FBXO5: variants seen among roughly 807,000 people sequenced by gnomAD.
The protein encoded by FBXO5 is F-box protein 5, also known as F-box only protein 5.
FBXO5 carries 8 observed loss-of-function variants against 43.3 expected under a neutral mutation model. The ratio of observed to expected loss-of-function variants is 0.18; its 90% CI spans 0.11 to 0.33. The LOEUF is 0.33. Ranked by LOEUF, FBXO5 falls within the 10% of genes least tolerant of loss-of-function variation. FBXO5 has a pLI of 1.00. For missense variants in FBXO5, 491 were observed against 535.7 expected (o/e 0.92, Z 0.82); for synonymous variants, 204 against 193.7 (o/e 1.05, Z -0.44).
At position 152,972,265 on chromosome 6, in the gene FBXO5, A is replaced by G. The variant is rs748356985; in HGVS notation, c.1092+7T>C. ...GTTTTAAGATTTATGATTAGACAAA[A>G]AATTACCTCAGAGAATTCATTGTGT... On this transcript the variant is annotated splice_region_variant and intron_variant, in intron 4 of 4. Transcript: ENST00000229758. 3.2e-5 allele frequency: 51 copies of G among 1,596,522 alleles called. No individual in the cohort carries two copies. The highest frequency in any genetic ancestry group is 3.4e-5 in the Non-Finnish European group (40 of 1,169,840).
At position 152,978,376 on chromosome 6, in the gene FBXO5, T is replaced by TGGGGGGGGGGGGGGGGGGGGGGG. The variant is rs1234180495; in HGVS notation, c.104-2756_104-2755insCCCCCCCCCCCCCCCCCCCCCCC. 3.5e-4 allele frequency among the ~76,000 whole-genome samples: 2 copies of TGGGGGGGGGGGGGGGGGGGGGGG among 5,706 alleles called. 1 individual carries two copies. The highest frequency in any genetic ancestry group is 3.1e-3 in the Admixed American group (2 of 644). 3.7% of individuals were successfully genotyped at this position (5,706 alleles called of 152,430 possible). ...CATTAATCATGGAGAGCTTCATTTT[T>TGGGGGGGGGGGGGGGGGGGGGGG]TGGGGGGGGGGGGGGGGCGGGGGAC... is the stretch of plus-strand genomic sequence containing the variant. On this transcript the variant is annotated intron_variant, in intron 1 of 4. Transcript: ENST00000229758.
At chr6:152,973,721 G>C (rs1778120496) in intron 2 of FBXO5, 1 of 152,302 alleles carries the variant, frequency 6.6e-6, no homozygotes, top group African/African-American at 2.4e-5. Flanking sequence ...AATTAGCTGG[G>C]CGTGGTGGCA....
At chr6:152,979,950 G>A (rs1778235970) in intron 1 of FBXO5, among the ~76,000 whole-genome samples, 1 of 152,140 alleles carries the variant, frequency 6.6e-6, no homozygotes, top group East Asian at 1.9e-4. Flanking sequence ...AAATCTGGAT[G>A]TTGGTTGTAG....
At chr6:152,976,797 G>A (rs1042743895) in intron 1 of FBXO5, among the ~76,000 whole-genome samples, 1 of 152,176 alleles carries the variant, frequency 6.6e-6, no homozygotes, top group Non-Finnish European at 1.5e-5. Flanking sequence ...AGCATCTTAA[G>A]ATAGCTTTAA....
intron 1 of FBXO5, among the ~76,000 whole-genome samples, chr6:152,980,329 C>T (rs186029717): frequency 1.5e-3 from 232 of 152,288 alleles, no homozygotes; most frequent in African/African-American, 5.3e-3. Flanking sequence ...GCAAAGCTGA[C>T]ATTCTGAGAT....
intron 4 of FBXO5, 48 bp downstream of exon 4, chr6:152,972,224 A>T (rs779967373): frequency 9.3e-6 from 13 of 1,392,090 alleles, no homozygotes; most frequent in Non-Finnish European, 1.2e-5. Context: ...TACATTTCTT[A>T]CTCTAAATCT....
rs144773049 is a variant in FBXO5 at position 152,971,173 on chromosome 6, C to A, written c.1334G>T (p.Arg445Leu). The A allele has an allele frequency of 1.9e-6, 3 of 1,605,774 alleles. No individual in the cohort carries two copies. The highest frequency in any genetic ancestry group is 2.5e-6 in the Non-Finnish European group (3 of 1,177,582). ...TGATTTAATAAGAGATCACAATCTT[C>A]GTAAATTCTTTTTGCTTTTCTTTGT... Reference protein sequence around the residue: ...PGTKKSKKNLRRL With the variant: ...PGTKKSKKNLLRL The change falls in exon 5 of 5, where the codon CGA (arginine) becomes CTA (leucine). Residue 445 changes from arginine to leucine, a missense_variant. Transcript: ENST00000229758.
Position 152,971,139 on chromosome 6 carries a change from A to G in FBXO5, c.*24T>C, listed in dbSNP as rs1276621565. On this transcript the variant is annotated 3_prime_UTR_variant, in exon 5 of 5. Transcript: ENST00000229758. The stretch of plus-strand genomic sequence containing the variant: ...CATTTTCTAACTAACATTCATGATC[A>G]GTAACAATTGATTTAATAAGAGATC... The G allele has an allele frequency of 2.5e-6, 4 of 1,572,318 alleles. No individual in the cohort carries two copies. The highest frequency in any genetic ancestry group is 3.4e-6 in the Non-Finnish European group (4 of 1,162,444).
In FBXO5 at chr6:152,975,575, A is replaced by T; in HGVS notation, c.150T>A (p.Asp50Glu). 6.2e-7 allele frequency: 1 copy of T among 1,609,186 alleles called. No individual in the cohort carries two copies. Among genetic ancestry groups the T allele is most frequent in the Non-Finnish European group, 8.5e-7 (1 of 1,178,940 alleles). Residue 50 changes from aspartate (D) to glutamate (E), a missense_variant, in exon 2 of 5, where the codon GAT (aspartate) becomes GAA (glutamate). Coordinates refer to ENST00000229758, the MANE Select transcript of FBXO5 (RefSeq NM_012177.5). ...CGGAATGAACATGGTTACAATTAAA[A>T]TCACACTTCATTTTGACAGAAAGGG... is the stretch of plus-strand genomic sequence containing the variant. ...SSTLSVKMKC[D>E]FNCNHVHSGL...
chr6:152,979,213 A>G (rs1165503648), intron 1 of FBXO5, among the ~76,000 whole-genome samples: 1 of 152,130 alleles, frequency 6.6e-6, no homozygotes, highest in Non-Finnish European at 1.5e-5. Flanking sequence ...TTCTACCTAA[A>G]ATCTTTTTTC....
chr6:152,973,289 T>TGTA, intron 2 of FBXO5, 153 bp from the exon 3 acceptor site: 2 of 607,246 alleles, frequency 3.3e-6, no homozygotes, highest in Non-Finnish European at 2.9e-6. Context: ...CGGTTTTAAC[T>TGTA]GGTCTAAAAT....
intron 1 of FBXO5, among the ~76,000 whole-genome samples, chr6:152,981,752 T>G (rs973225047): frequency 2.0e-5 from 3 of 152,006 alleles, no homozygotes; most frequent in African/African-American, 7.2e-5. Flanking sequence ...TTTAATCTAT[T>G]AAAATTAAAA....
At chr6:152,982,176 G>A (rs939406495) in intron 1 of FBXO5, among the ~76,000 whole-genome samples, 2 of 152,218 alleles carry the variant, frequency 1.3e-5, no homozygotes, top group East Asian at 3.9e-4. Flanking sequence ...TCCCAGTTGA[G>A]TTTGGTCCAA....
At position 152,982,978 on chromosome 6, in the gene FBXO5, T is replaced by G. The variant is rs766101377; in HGVS notation, c.-19A>C. ...GGCTCATGCCAGCCGACGTGGAGTC[T>G]GCCTCAGGTGGAGGAACCGCTCCGG... On this transcript the variant is annotated 5_prime_UTR_variant, in exon 1 of 5. Coordinates refer to ENST00000229758, the MANE Select transcript of FBXO5 (RefSeq NM_012177.5). 5.2e-4 allele frequency: 722 copies of G among 1,377,994 alleles called. No individual in the cohort carries two copies. The highest frequency in any genetic ancestry group is 6.3e-4 in the Non-Finnish European group (677 of 1,070,046). The allele number at this position is 1,377,994 out of a possible 1,614,324, so 85.4% of individuals were successfully genotyped here. A position where few individuals can be genotyped will look rare whatever the true frequency, so the allele number is the denominator to read the frequency against.
chr6:152,973,250 T>A (rs1471535059), intron 2 of FBXO5, 114 bp from the exon 3 acceptor site: 3 of 808,188 alleles, frequency 3.7e-6, no homozygotes, highest in African/African-American at 1.7e-5. Context: ...TTAGTGCTTC[T>A]CAAACCTGAC....
chr6:152,977,324 T>G (rs76108095), intron 1 of FBXO5, among the ~76,000 whole-genome samples: 7 of 152,208 alleles, frequency 4.6e-5, no homozygotes, highest in African/African-American at 9.7e-5. Flanking sequence ...ATCAGTATGT[T>G]TAGTCTGCAC....
In FBXO5 at chr6:152,975,510, A is replaced by G. The variant is rs1778155706; in HGVS notation, c.215T>C (p.Val72Ala). The change falls in exon 2 of 5, where the codon GTT (valine) becomes GCT (alanine). Residue 72 changes from valine (V) to alanine (A), a missense_variant. Physicochemically the swap from Val to Ala is moderately conservative, Grantham distance 64. Coordinates refer to ENST00000229758, the MANE Select transcript of FBXO5 (RefSeq NM_012177.5). ...TTCCAAATATGCAGGGGTGTAGGAA[A>G]CTAGTCTTCCAATGTCATCAGGTTT... is the stretch of plus-strand genomic sequence containing the variant. ...LVKPDDIGRL[V>A]SYTPAYLEGS... The G allele has an allele frequency of 5.6e-6, 9 of 1,613,950 alleles. No individual in the cohort carries two copies. The East Asian group carries it at 2.0e-4, about 36-fold the overall frequency.
At chr6:152,979,210 T>C (rs1367955981) in intron 1 of FBXO5, among the ~76,000 whole-genome samples, 1 of 152,198 alleles carries the variant, frequency 6.6e-6, no homozygotes, top group African/African-American at 2.4e-5. Context: ...AGTTTCTACC[T>C]AAAATCTTTT....
chr6:152,972,177 C>A, intron 4 of FBXO5, 95 bp downstream of exon 4: 1 of 793,790 alleles, frequency 1.3e-6, no homozygotes. Flanking sequence ...TAGTTATTAT[C>A]TAGAGCAAAG....
Sources: allele counts gnomAD v4.1 joint callset (sites outside exome capture counted in the v4.1 genomes callset), GRCh38; gene constraint gnomAD v4.1.1; transcripts MANE v1.5; gene names NCBI Gene and HGNC (gene_info 2026-07-23, HGNC 2026-07-21).